CTCF: variants seen among roughly 807,000 people sequenced by gnomAD.
The protein encoded by CTCF is transcriptional repressor CTCF.
In CTCF, 7 loss-of-function variants were observed where a neutral mutation model predicts 72.3. The observed-to-expected ratio is 0.10, with a 90% CI of 0.06 to 0.18. The LOEUF is 0.18. CTCF is among the 10% of genes least tolerant of loss of function. CTCF has a pLI of 1.00. For synonymous variants in CTCF, 374 were observed against 315.8 expected (o/e 1.18, Z -1.95); for missense variants, 516 against 949.1 (o/e 0.54, Z 6.00).
intron 4 of CTCF, 22 bp from the exon 5 acceptor site, chr16:67,616,723 T>G: frequency 6.2e-7 from 1 of 1,613,792 alleles, no homozygotes; most frequent in Non-Finnish European, 8.5e-7. Flanking sequence ...TTGCTCTTCC[T>G]GTTACTCCAT....
chr16:67,581,320 ATCTTTT>A (rs2051578582), intron 2 of CTCF, among the ~76,000 whole-genome samples: 1 of 146,654 alleles, frequency 6.8e-6, no homozygotes, highest in Admixed American at 6.8e-5. Context: ...CTGTTAGATG[ATCTTTT>A]TCTTTTTTTT....
At chr16:67,571,475 C>T (rs2051419151) in intron 2 of CTCF, among the ~76,000 whole-genome samples, 1 of 152,144 alleles carries the variant, frequency 6.6e-6, no homozygotes, top group South Asian at 2.1e-4. Flanking sequence ...TTTAACCTGT[C>T]TACTCCTGTA....
At chr16:67,565,737 A>G (rs1047480724) in intron 1 of CTCF, among the ~76,000 whole-genome samples, 1 of 151,974 alleles carries the variant, frequency 6.6e-6, no homozygotes, top group African/African-American at 2.4e-5. Context: ...CATTCAACCT[A>G]TGTAAGAATT....
intron 10 of CTCF, among the ~76,000 whole-genome samples, chr16:67,634,193 T>TA: frequency 6.6e-6 from 1 of 152,278 alleles, no homozygotes; most frequent in East Asian, 1.9e-4. Flanking sequence ...TTTTAGTTTT[T>TA]ATTTATTTTT....
chr16:67,573,309 A>G (rs766288684), intron 2 of CTCF, among the ~76,000 whole-genome samples: 2 of 151,754 alleles, frequency 1.3e-5, no homozygotes, highest in Non-Finnish European at 2.9e-5. Context: ...CGTGCCTGTA[A>G]TCCCAACTAC....
intron 1 of CTCF, among the ~76,000 whole-genome samples, chr16:67,566,651 A>C (rs2051347086): frequency 6.7e-6 from 1 of 150,254 alleles, no homozygotes; most frequent in South Asian, 2.1e-4. Context: ...ATCTCGGCTC[A>C]CTGCAAGCTC....
At chr16:67,631,150 G>GTTTTTTTTT (rs1472086135) in intron 10 of CTCF, among the ~76,000 whole-genome samples, 2 of 132,534 alleles carry the variant, frequency 1.5e-5, no homozygotes, top group African/African-American at 3.2e-5. Flanking sequence ...TTTGTTCTTT[G>GTTTTTTTTT]TTTGTTTTTT....
intron 2 of CTCF, among the ~76,000 whole-genome samples, chr16:67,579,092 TA>T (rs1217779867): frequency 2.6e-5 from 4 of 151,032 alleles, no homozygotes; most frequent in Admixed American, 2.0e-4. Flanking sequence ...CCATCTCTAC[TA>T]AAAATACAAA....
At chr16:67,595,121 G>A (rs2051794413) in intron 2 of CTCF, among the ~76,000 whole-genome samples, 1 of 152,148 alleles carries the variant, frequency 6.6e-6, no homozygotes, top group African/African-American at 2.4e-5. Flanking sequence ...TGGAATTTTT[G>A]AGCCTCATTT....
intron 2 of CTCF, among the ~76,000 whole-genome samples, chr16:67,589,512 C>G (rs1192129796): frequency 1.3e-5 from 2 of 152,116 alleles, no homozygotes; most frequent in African/African-American, 4.8e-5. Flanking sequence ...GCCCTTCACC[C>G]ACTGAAGTCA....
At chr16:67,637,347 C>T (rs1418505969) in intron 11 of CTCF, among the ~76,000 whole-genome samples, 3 of 152,106 alleles carry the variant, frequency 2.0e-5, no homozygotes, top group African/African-American at 7.2e-5. Context: ...GCCTGGTCAA[C>T]ATGGTGAAAC....
chr16:67,612,217 GT>G, intron 4 of CTCF, 96 bp downstream of exon 4: 2 of 1,156,606 alleles, frequency 1.7e-6, no homozygotes, highest in African/African-American at 1.6e-5. Context: ...TTTAAAGGAA[GT>G]TTTTATTATT....
At chr16:67,619,246 G>C (rs1005480930) in intron 5 of CTCF, among the ~76,000 whole-genome samples, 9 of 152,146 alleles carry the variant, frequency 5.9e-5, no homozygotes, top group Non-Finnish European at 1.3e-4. Flanking sequence ...GACCAGCCGG[G>C]CCAACGTGGT....
chr16:67,617,631 G>A (rs929713535), intron 5 of CTCF, among the ~76,000 whole-genome samples: 8 of 152,252 alleles, frequency 5.3e-5, no homozygotes, highest in East Asian at 1.9e-4. Flanking sequence ...GCAGTGAGCC[G>A]AGATCGTGCC....
At chr16:67,625,340 A>G (rs1161389081) in intron 7 of CTCF, among the ~76,000 whole-genome samples, 1 of 152,126 alleles carries the variant, frequency 6.6e-6, no homozygotes. Flanking sequence ...ACAGGTTTAC[A>G]GGCATACACC....
intron 1 of CTCF, among the ~76,000 whole-genome samples, chr16:67,566,719 A>G (rs1445923132): frequency 6.7e-6 from 1 of 150,228 alleles, no homozygotes; most frequent in Non-Finnish European, 1.5e-5. Context: ...TGGGAGGACT[A>G]CAGGCGCCTG....
chr16:67,581,004 C>T (rs1392804376), intron 2 of CTCF, among the ~76,000 whole-genome samples: 1 of 152,138 alleles, frequency 6.6e-6, no homozygotes, highest in Non-Finnish European at 1.5e-5. Flanking sequence ...TCTTGGCTCA[C>T]TGCAAGCTCC....
Position 67,631,153 on chromosome 16 carries a change from TG to T in CTCF, c.1837+1621del, listed in dbSNP as rs1165083770. On this transcript the variant is annotated intron_variant, in intron 10 of 11. Coordinates refer to ENST00000264010, the MANE Select transcript of CTCF (RefSeq NM_006565.4). ...TATTGGGCTTTTTTTGTTCTTTGTTTGTTTTTTTTTTGTTTTTTGTTTTTTT... is the reference window on the plus strand; with the variant it reads ...TATTGGGCTTTTTTTGTTCTTTGTTTTTTTTTTTTTGTTTTTTGTTTTTTT... Among the ~76,000 whole-genome samples the T allele has an allele frequency of 4.6e-3, 663 of 143,774 alleles. 6 individuals carry two copies. The highest frequency in any genetic ancestry group is 0.015 in the African/African-American group (532 of 36,256). The allele number at this position is 143,774 out of a possible 152,430, so 94.3% of individuals were successfully genotyped here. A position where few individuals can be genotyped will look rare whatever the true frequency, so the allele number is the denominator to read the frequency against.
chr16:67,604,601 A>G (rs972789326), intron 2 of CTCF, among the ~76,000 whole-genome samples: 2 of 152,130 alleles, frequency 1.3e-5, no homozygotes, highest in African/African-American at 4.8e-5. Flanking sequence ...TTGGCCTCCC[A>G]AAGTGTTGGG....
Sources: gnomAD v4.1 joint callset for allele counts (sites outside exome capture counted in the v4.1 genomes callset) on GRCh38, gnomAD v4.1.1 for gene constraint, MANE v1.5 for transcripts, NCBI Gene and HGNC (gene_info 2026-07-23, HGNC 2026-07-21) for gene names.